The following LRGUK variants were observed in gnomAD, a reference collection of about 807,000 sequenced individuals.
LRGUK encodes leucine rich repeats and guanylate kinase domain containing.
LRGUK carries 65 observed loss-of-function variants against 76.0 expected under a neutral mutation model. The ratio of observed to expected loss-of-function variants is 0.85; its 90% confidence interval spans 0.70 to 1.05. The LOEUF (loss-of-function observed/expected upper bound fraction) is 1.05, where lower values mean the gene tolerates loss of function less well. Ranked by LOEUF, LRGUK falls within the 50% of genes least tolerant of loss-of-function variation. The pLI is 0.00. For missense variants in LRGUK, 758 were observed against 732.8 expected (o/e 1.03, Z -0.40); for synonymous variants, 268 against 265.6 (o/e 1.01, Z -0.09).
At position 134,176,154 on chromosome 7, in the gene LRGUK, C is replaced by G. The variant is rs138079751; in HGVS notation, c.1021-823C>G. 2.7e-3 allele frequency among the ~76,000 whole-genome samples: 416 copies of G among 152,220 alleles called. 3 individuals carry two copies. Among genetic ancestry groups the G allele is most frequent in the African/African-American group, 9.2e-3 (384 of 41,514 alleles). ...GGAAACCAAACACCACATGTCCTCA[C>G]TTAAAACTGGGAGCTGAACAATGAG... is the stretch of plus-strand genomic sequence containing the variant. On this transcript the variant is annotated intron_variant, in intron 8 of 15. Transcript: ENST00000645682.
intron 9 of LRGUK, 24 bp from the exon 10 acceptor site, chr7:134,178,479 T>C: frequency 1.3e-6 from 2 of 1,572,534 alleles, no homozygotes; most frequent in Non-Finnish European, 1.7e-6. Context: ...TTTTTTCCCT[T>C]TTACATCTCT....
intron 11 of LRGUK, among the ~76,000 whole-genome samples, chr7:134,184,311 C>T (rs1432655314): frequency 6.6e-6 from 1 of 151,540 alleles, no homozygotes; most frequent in Admixed American, 6.6e-5. Flanking sequence ...GCTCTGTCAC[C>T]CAGACTGGAG....
intron 7 of LRGUK, among the ~76,000 whole-genome samples, chr7:134,172,354 C>T (rs61488038): frequency 0.14 from 21,761 of 152,016 alleles, 2,219 homozygotes; most frequent in East Asian, 0.38. Flanking sequence ...ATAGAAATTA[C>T]ATATTCTATA....
intron 10 of LRGUK, among the ~76,000 whole-genome samples, chr7:134,181,090 C>T (rs1023494487): frequency 6.6e-6 from 1 of 152,182 alleles, no homozygotes; most frequent in African/African-American, 2.4e-5. Context: ...TCTCAATTCT[C>T]TGGCTAACTA....
the LRGUK span, among the ~76,000 whole-genome samples, chr7:134,273,387 A>T: frequency 6.6e-6 from 1 of 152,148 alleles, no homozygotes; most frequent in Non-Finnish European, 1.5e-5. Flanking sequence ...TATGCCTCTG[A>T]AGTAATTGTT....
rs909128035 is a variant in LRGUK at position 134,141,360 on chromosome 7, A to C, written c.488-1702A>C. Among the ~76,000 whole-genome samples, 10 of 152,230 alleles carry C rather than the reference A, an allele frequency of 6.6e-5. No individual in the cohort carries two copies. The South Asian group carries it at 1.9e-3, about 29-fold the overall frequency. ...TCGGTAGGTTTGGGGCGGGGCCTGG[A>C]AATTTGCATTTCGAATAAGCTCCTG... On this transcript the variant is annotated intron_variant, in intron 3 of 15. Transcript: ENST00000645682.
intron 6 of LRGUK, among the ~76,000 whole-genome samples, chr7:134,161,579 T>C (rs1383501462): frequency 1.3e-5 from 2 of 152,076 alleles, no homozygotes; most frequent in Non-Finnish European, 2.9e-5. Context: ...TTGCTCATTA[T>C]TGAAATGAAA....
At chr7:134,140,739 A>G (rs1797733297) in intron 3 of LRGUK, among the ~76,000 whole-genome samples, 1 of 152,152 alleles carries the variant, frequency 6.6e-6, no homozygotes, top group Non-Finnish European at 1.5e-5. Flanking sequence ...ATTAAGAAAT[A>G]TTCTAGCCCA....
intron 15 of LRGUK, among the ~76,000 whole-genome samples, chr7:134,219,513 T>C (rs1408298013): frequency 6.6e-6 from 1 of 152,252 alleles, no homozygotes; most frequent in African/African-American, 2.4e-5. Flanking sequence ...TAGGATCTAT[T>C]CTATGGAAAT....
chr7:134,240,132 A>C (rs146598759), intron 16 of LRGUK, among the ~76,000 whole-genome samples: 2,485 of 152,324 alleles, frequency 0.016, 78 homozygotes, highest in African/African-American at 0.056. Context: ...AATTCTAAAA[A>C]TCAGAGCACC....
chr7:134,276,442 A>G, the LRGUK span, among the ~76,000 whole-genome samples: 1 of 152,144 alleles, frequency 6.6e-6, no homozygotes, highest in Admixed American at 6.5e-5. Context: ...AGGCTCGGTC[A>G]CGGAAGGACC....
chr7:134,201,603 G>T, intron 15 of LRGUK, 27 bp downstream of exon 15: 2 of 1,552,010 alleles, frequency 1.3e-6, no homozygotes, highest in Non-Finnish European at 1.8e-6. Context: ...TTTGTGCCAG[G>T]ATTTTTTTTT....
At chr7:134,245,692 A>C (rs1250615689) in intron 16 of LRGUK, among the ~76,000 whole-genome samples, 1 of 152,212 alleles carries the variant, frequency 6.6e-6, no homozygotes, top group Non-Finnish European at 1.5e-5. Flanking sequence ...AGCATAAATA[A>C]GGGAAAAAGT....
At chr7:134,244,102 G>GA (rs1173181961) in intron 16 of LRGUK, among the ~76,000 whole-genome samples, 2 of 152,070 alleles carry the variant, frequency 1.3e-5, no homozygotes, top group African/African-American at 4.8e-5. Context: ...AAAAATCCTA[G>GA]AAAAAAACCT....
exon 18 of LRGUK, chr7:134,249,037 A>G (rs760688633): frequency 1.9e-6 from 3 of 1,596,646 alleles, no homozygotes; most frequent in Non-Finnish European, 2.6e-6. Flanking sequence ...CTTTGTGAAG[A>G]CTATTTTAAA....
chr7:134,245,561 G>C (rs1254202759), intron 16 of LRGUK, among the ~76,000 whole-genome samples: 2 of 152,140 alleles, frequency 1.3e-5, no homozygotes, highest in Non-Finnish European at 2.9e-5. Flanking sequence ...TAAGTTTTTT[G>C]ACATGTTTTT....
chr7:134,263,904 G>A (rs1218173064), exon 20 of LRGUK: 1 of 1,611,944 alleles, frequency 6.2e-7, no homozygotes, highest in African/African-American at 1.3e-5. Context: ...ACAACACTCG[G>A]TCCCAGTCAT....
intron 16 of LRGUK, among the ~76,000 whole-genome samples, chr7:134,234,011 G>T (rs1172676408): frequency 6.6e-6 from 1 of 152,140 alleles, no homozygotes; most frequent in Non-Finnish European, 1.5e-5. Context: ...TATTGTTAAT[G>T]TTCGTGTATT....
downstream of LRGUK, among the ~76,000 whole-genome samples, chr7:134,266,781 C>T (rs958581837): frequency 3.9e-5 from 6 of 152,024 alleles, no homozygotes; most frequent in African/African-American, 1.4e-4. Context: ...AAGCCAAAAA[C>T]CTACAAATCC....
Sources: allele counts gnomAD v4.1 joint callset (sites outside exome capture counted in the v4.1 genomes callset), GRCh38; gene constraint gnomAD v4.1.1; transcripts MANE v1.5; gene names NCBI Gene and HGNC (gene_info 2026-07-23, HGNC 2026-07-21).